SYNE2: variants seen among roughly 807,000 people sequenced by gnomAD.
SYNE2 encodes spectrin repeat containing nuclear envelope protein 2.
A neutral mutation model predicts 856.3 loss-of-function variants in SYNE2; 431 were observed. That is an observed-to-expected ratio of 0.50 (90% confidence interval 0.47 to 0.55). The LOEUF (loss-of-function observed/expected upper bound fraction) is 0.55. Among genes scored for constraint, SYNE2 ranks in the 20% least tolerant of loss-of-function variants. The pLI is 0.00. For missense variants in SYNE2, 8,129 were observed against 8,023.2 expected (o/e 1.01, Z -0.50); for synonymous variants, 2,923 against 2,872.3 (o/e 1.02, Z -0.56).
At chr14:64,205,665 A>G (rs2098601839) in intron 100 of SYNE2, among the ~76,000 whole-genome samples, 1 of 152,136 alleles carries the variant, frequency 6.6e-6, no homozygotes, top group African/African-American at 2.4e-5. Context: ...CACCTTTCTT[A>G]TATAGAACAC....
intron 32 of SYNE2, among the ~76,000 whole-genome samples, chr14:64,015,927 C>G (rs2096889054): frequency 6.6e-6 from 1 of 151,924 alleles, no homozygotes; most frequent in Non-Finnish European, 1.5e-5. Context: ...TTGAGACTTC[C>G]TCTTTGACTG....
chr14:63,841,835 T>TCTTTC (rs202238479), intron 1 of SYNE2, among the ~76,000 whole-genome samples: 5 of 142,258 alleles, frequency 3.5e-5, no homozygotes, highest in African/African-American at 1.3e-4. Flanking sequence ...TTTCTTTCTT[T>TCTTTC]TTTTTTTTTT....
chr14:64,027,385 T>C (rs1275611715), intron 42 of SYNE2, 99 bp from the exon 43 acceptor site: 3 of 736,694 alleles, frequency 4.1e-6, no homozygotes, highest in Non-Finnish European at 6.7e-6. Context: ...ATATTAGTGT[T>C]ATTTTAATGT....
At position 63,997,093 on chromosome 14, in the gene SYNE2, T is replaced by C. The variant is rs2096719389; in HGVS notation, c.3087T>C (p.Leu1029=). 6.2e-7 allele frequency: 1 copy of C among 1,614,000 alleles called. No homozygotes were observed. Among genetic ancestry groups the C allele is most frequent in the Non-Finnish European group, 8.5e-7 (1 of 1,180,012 alleles). ...LKDYEQKIER[L]LKCASEIHMT... Reference sequence around the variant, plus strand: ...ATTATGAACAAAAGATAGAAAGACTTCTGAAATGTGCTTCCGAGATTCATA... The same window carrying C: ...ATTATGAACAAAAGATAGAAAGACTCCTGAAATGTGCTTCCGAGATTCATA... Residue 1029 remains leucine, a synonymous_variant, in exon 24 of 116, where the codon CTT becomes CTC. Transcript: ENST00000555002.
At chr14:64,146,487 A>AT (rs1188463718) in intron 84 of SYNE2, among the ~76,000 whole-genome samples, 1 of 152,220 alleles carries the variant, frequency 6.6e-6, no homozygotes, top group African/African-American at 2.4e-5. Context: ...TTGGGGAAAA[A>AT]TGTTCAAAGG....
At chr14:64,064,758 T>TGCCTTGCTATGTC (rs2097345158) in intron 50 of SYNE2, among the ~76,000 whole-genome samples, 2 of 152,038 alleles carry the variant, frequency 1.3e-5, no homozygotes, top group South Asian at 2.1e-4. Flanking sequence ...CTTGCTATGT[T>TGCCTTGCTATGTC]GCCTTGCTAT....
At chr14:64,202,587 A>G (rs758759710) in intron 99 of SYNE2, among the ~76,000 whole-genome samples, 10 of 152,210 alleles carry the variant, frequency 6.6e-5, no homozygotes, top group African/African-American at 9.7e-5. Context: ...TTGAAAATCA[A>G]CAGAGGCAAC....
chr14:64,138,070 A>C, intron 79 of SYNE2, 87 bp downstream of exon 79: 1 of 1,455,600 alleles, frequency 6.9e-7, no homozygotes, highest in Non-Finnish European at 9.4e-7. Flanking sequence ...TTTTACCTGC[A>C]ACCCACCTTA....
chr14:63,993,687 A>C, intron 21 of SYNE2, 148 bp from the exon 22 acceptor site: 2 of 684,830 alleles, frequency 2.9e-6, no homozygotes, highest in Non-Finnish European at 4.8e-6. Context: ...TACAAAGAGA[A>C]GTCTCCTATA....
chr14:64,167,463 A>G (rs1334728396), intron 91 of SYNE2, 32 bp from the exon 92 acceptor site: 2 of 1,614,242 alleles, frequency 1.2e-6, no homozygotes, highest in Non-Finnish European at 1.7e-6. Flanking sequence ...GGCATTGTTA[A>G]CATGGGTGTG....
At chr14:64,082,711 T>C (rs1461731716) in intron 57 of SYNE2, among the ~76,000 whole-genome samples, 1 of 152,254 alleles carries the variant, frequency 6.6e-6, no homozygotes, top group African/African-American at 2.4e-5. Flanking sequence ...CTCCTTACCC[T>C]TGGACACTGT....
intron 1 of SYNE2, among the ~76,000 whole-genome samples, chr14:63,816,264 CAT>C (rs1888989956): frequency 1.3e-5 from 2 of 151,910 alleles, no homozygotes; most frequent in Non-Finnish European, 2.9e-5. Context: ...TTATTATTAC[CAT>C]ATAGAGGCCT....
At chr14:63,853,583 G>A (rs986019906) in intron 1 of SYNE2, among the ~76,000 whole-genome samples, 1 of 151,662 alleles carries the variant, frequency 6.6e-6, no homozygotes, top group Non-Finnish European at 1.5e-5. Context: ...ACGCCTGGGC[G>A]GGAAAGATTT....
intron 1 of SYNE2, among the ~76,000 whole-genome samples, chr14:63,901,066 A>G (rs2095331130): frequency 6.6e-6 from 1 of 152,222 alleles, no homozygotes; most frequent in Admixed American, 6.5e-5. Flanking sequence ...CTTCTGGTCA[A>G]CCTTTAAAGA....
chr14:64,026,495 T>A (rs546802308), intron 41 of SYNE2, 84 bp from the exon 42 acceptor site: 330 of 1,095,300 alleles, frequency 3.0e-4, no homozygotes, highest in Admixed American at 5.2e-4. Context: ...AGAATCTCTA[T>A]ATAAAGCTTA....
At position 64,129,874 on chromosome 14, in the gene SYNE2, T is replaced by A; in HGVS notation, c.14112T>A (p.Ala4704=). 2 of 1,614,142 alleles carry A rather than the reference T, an allele frequency of 1.2e-6. No individual in the cohort carries two copies. The highest frequency in any genetic ancestry group is 1.1e-5 in the South Asian group (1 of 91,078). Residue 4704 remains alanine (A), a synonymous_variant, in exon 75 of 116, where the codon GCT becomes GCA. Coordinates refer to ENST00000555002, the MANE Select transcript of SYNE2 (RefSeq NM_182914.3). ...DEGERLHLPY[A]LLQEVYKLED... is the part of the protein sequence containing the mutation. ...GGGAGAGGCTTCATTTACCTTATGC[T>A]TTACTCCAGGAGGTTTACAAATTAG...
chr14:64,019,902 A>T (rs1163013622), intron 34 of SYNE2, 90 bp from the exon 35 acceptor site: 1 of 874,266 alleles, frequency 1.1e-6, no homozygotes, highest in Non-Finnish European at 1.9e-6. Flanking sequence ...GGGCTCTCTC[A>T]GTTTCTATAT....
chr14:64,139,101 A>G (rs1251993796), intron 79 of SYNE2, among the ~76,000 whole-genome samples: 1 of 151,706 alleles, frequency 6.6e-6, no homozygotes, highest in African/African-American at 2.4e-5. Flanking sequence ...TTCCCACCTC[A>G]GCCTCCCAAG....
intron 6 of SYNE2, among the ~76,000 whole-genome samples, chr14:63,944,307 T>TATATATATATATATATATATAA (rs1566869424): frequency 7.4e-6 from 1 of 135,356 alleles, no homozygotes; most frequent in African/African-American, 2.7e-5. Context: ...TATATATATA[T>TATATATATATATATATATATAA]AAATAAATAA....
Sources: allele counts gnomAD v4.1 joint callset (sites outside exome capture counted in the v4.1 genomes callset), GRCh38; gene constraint gnomAD v4.1.1; transcripts MANE v1.5; gene names NCBI Gene and HGNC (gene_info 2026-07-23, HGNC 2026-07-21).